Variants in COL17A1 observed in about 807,000 individuals in gnomAD.
COL17A1 encodes collagen alpha-1(XVII) chain.
In COL17A1, 181 loss-of-function variants were observed where a neutral mutation model predicts 218.4. That is an observed-to-expected ratio of 0.83 (90% CI 0.73 to 0.94). The LOEUF (loss-of-function observed/expected upper bound fraction) is 0.94. COL17A1 is among the 40% of genes least tolerant of loss of function. The pLI is 0.00. For synonymous variants in COL17A1, 721 were observed against 731.0 expected (o/e 0.99, Z 0.22); for missense variants, 1,924 against 1,945.9 (o/e 0.99, Z 0.21).
chr10:104,040,602 G>A (rs28604968), intron 39 of COL17A1, among the ~76,000 whole-genome samples, 192 bp from the exon 40 acceptor site: 2 of 142,156 alleles, frequency 1.4e-5, no homozygotes, highest in Non-Finnish European at 3.2e-5. Context: ...GGATGGATAG[G>A]TGGATGGATG....
chr10:104,084,661 T>G (rs879745482), intron 1 of COL17A1, among the ~76,000 whole-genome samples: 9 of 152,144 alleles, frequency 5.9e-5, no homozygotes, highest in Non-Finnish European at 1.2e-4. Context: ...TGTTCCTGTG[T>G]AAACTCTGAT....
In COL17A1 at chr10:104,067,202, G is replaced by A. The variant is rs805712; in HGVS notation, c.608-2606C>T. ...ATAACCCCAAAGATCGGGCCCAAAT[G>A]CAGGACCTAAGGGAACGAATAATTA... is the stretch of plus-strand genomic sequence containing the variant. On this transcript the variant is annotated intron_variant, in intron 9 of 55. Coordinates refer to ENST00000648076, the MANE Select transcript of COL17A1 (RefSeq NM_000494.4). 4.9e-3 allele frequency among the ~76,000 whole-genome samples: 752 copies of A among 152,222 alleles called. 4 individuals carry two copies. Among genetic ancestry groups the A allele is most frequent in the Non-Finnish European group, 8.7e-3 (591 of 68,010 alleles).
chr10:104,078,187 C>T (rs2086728649), intron 3 of COL17A1, among the ~76,000 whole-genome samples: 1 of 152,052 alleles, frequency 6.6e-6, no homozygotes, highest in East Asian at 1.9e-4. Context: ...ATCAGATATC[C>T]AATATTTTAG....
At position 104,045,742 on chromosome 10, in the gene COL17A1, T is replaced by C; in HGVS notation, c.2398+16A>G. On this transcript the variant is annotated intron_variant, in intron 33 of 55. Coordinates refer to ENST00000648076, the MANE Select transcript of COL17A1 (RefSeq NM_000494.4). ...GCCAGTGAAAAGAAAGAAATCTCAT[T>C]TGGAAATTCACTTACCTTTTATTCC... 4 of 1,604,684 alleles carry C rather than the reference T, an allele frequency of 2.5e-6. No individual in the cohort carries two copies. The highest frequency in any genetic ancestry group is 2.2e-5 in the South Asian group (2 of 90,900).
At position 104,070,427 on chromosome 10, in the gene COL17A1, C is replaced by G. The variant is rs17116450; in HGVS notation, c.606G>C (p.Ser202=). The G allele has an allele frequency of 2.9e-3, 4,750 of 1,613,364 alleles. 133 individuals carry two copies. The African/African-American group carries it at 0.057, about 19-fold the overall frequency. The change falls in exon 9 of 56, where the codon TCG becomes TCC. Residue 202 remains serine (S), a splice_region_variant and synonymous_variant. Transcript: ENST00000648076. The part of the protein sequence containing the change: ...ETKIVTASSQ[S]VSGTYDATIL... ...GGCAGCCTGGGCTGTCAGACTTACC[C>G]GACTGGGAGCTCGCTGTCACAATTT...
chr10:104,074,054 CA>C (rs1182868983), intron 6 of COL17A1, 129 bp downstream of exon 6: 1 of 1,425,666 alleles, frequency 7.0e-7, no homozygotes, highest in African/African-American at 1.4e-5. Context: ...AATAGGTCAG[CA>C]GGGGTCAAAC....
rs1554849247 is a variant in COL17A1, at chr10:104,055,444, T to TCACACA, written c.1688-49_1688-44dup. On this transcript the variant is annotated intron_variant, in intron 18 of 55. Coordinates refer to ENST00000648076, the MANE Select transcript of COL17A1 (RefSeq NM_000494.4). ...TCCTGAGTCAGCTTCACATCTCCTG[T>TCACACA]CACACACACACACACACACACACAC... 8,146 of 1,128,506 alleles carry TCACACA rather than the reference T, an allele frequency of 7.2e-3. 42 individuals carry two copies. The highest frequency in any genetic ancestry group is 0.034 in the African/African-American group (2,099 of 61,552). The allele number at this position is 1,128,506 out of a possible 1,614,324, so 69.9% of individuals were successfully genotyped here.
chr10:104,040,539 T>C, intron 39 of COL17A1, 129 bp from the exon 40 acceptor site: 2 of 665,564 alleles, frequency 3.0e-6, no homozygotes, highest in Non-Finnish European at 5.5e-6. Flanking sequence ...GATGGATGGA[T>C]GAATGGGTGG....
intron 37 of COL17A1, 45 bp from the exon 38 acceptor site, chr10:104,041,389 T>C (rs748902278): frequency 4.6e-5 from 74 of 1,604,014 alleles, no homozygotes; most frequent in Non-Finnish European, 5.7e-5. Context: ...CTCAGGGAGC[T>C]GATGCCACCC....
intron 47 of COL17A1, 125 bp from the exon 48 acceptor site, chr10:104,036,757 C>G: frequency 8.3e-7 from 1 of 1,204,250 alleles, no homozygotes; most frequent in Non-Finnish European, 1.2e-6. Flanking sequence ...GTTCTGGGTC[C>G]GCAGGACCAC....
chr10:104,081,270 G>A (rs1422451329), intron 1 of COL17A1, among the ~76,000 whole-genome samples: 2 of 152,138 alleles, frequency 1.3e-5, no homozygotes, highest in African/African-American at 4.8e-5. Context: ...ACTATAATCG[G>A]CTCTCATGTG....
intron 44 of COL17A1, 98 bp downstream of exon 44, chr10:104,038,973 T>G: frequency 1.4e-5 from 18 of 1,312,014 alleles, no homozygotes; most frequent in Non-Finnish European, 2.0e-5. Context: ...CAACGAATCA[T>G]GGAGAAATGA....
chr10:104,034,877 TG>T, intron 50 of COL17A1, 110 bp from the exon 51 acceptor site: 1 of 1,385,428 alleles, frequency 7.2e-7, no homozygotes, highest in Non-Finnish European at 9.9e-7. Context: ...GGGATGAGGC[TG>T]GGCCTCCCGG....
intron 13 of COL17A1, among the ~76,000 whole-genome samples, chr10:104,060,600 G>A (rs1049653354): frequency 2.0e-5 from 3 of 152,130 alleles, no homozygotes; most frequent in Admixed American, 6.5e-5. Context: ...CCCCCAGTCA[G>A]GTAAGTCCTT....
At position 104,032,447 on chromosome 10, in the gene COL17A1, A is replaced by C. The variant is rs813943; in HGVS notation, c.4439-157T>G. Among the ~76,000 whole-genome samples, 114,421 of 152,262 alleles carry C rather than the reference A, an allele frequency of 0.75. 43,052 individuals carry two copies. Among genetic ancestry groups the C allele is most frequent in the East Asian group, 0.87 (4,495 of 5,178 alleles). ...TTATTTAACTTGTTTGCCCCATTTC[A>C]ACACCAGCTTGGTTCTCCTTTTCCT... is the stretch of plus-strand genomic sequence containing the variant. On this transcript the variant is annotated intron_variant, in intron 55 of 55. Coordinates refer to ENST00000648076, the MANE Select transcript of COL17A1 (RefSeq NM_000494.4).
At chr10:104,078,286 A>G (rs542167087) in intron 3 of COL17A1, among the ~76,000 whole-genome samples, 1 of 152,260 alleles carries the variant, frequency 6.6e-6, no homozygotes, top group Admixed American at 6.5e-5. Context: ...ATGACTGCTA[A>G]TGGTCACTTC....
chr10:104,072,192 C>A, intron 7 of COL17A1, 113 bp from the exon 8 acceptor site: 1 of 1,497,490 alleles, frequency 6.7e-7, no homozygotes. Flanking sequence ...CATTTCTGAG[C>A]TCTGGAAACA....
intron 7 of COL17A1, 57 bp from the exon 8 acceptor site, chr10:104,072,136 C>A: frequency 6.2e-7 from 1 of 1,611,340 alleles, no homozygotes. Context: ...ATCACAATCC[C>A]TGACACTGAA....
At chr10:104,063,054 C>A (rs1351251317) in intron 11 of COL17A1, among the ~76,000 whole-genome samples, 1 of 152,160 alleles carries the variant, frequency 6.6e-6, no homozygotes, top group Non-Finnish European at 1.5e-5. Context: ...GGCCTCTAGT[C>A]AACTGGAGGA....
Sources: gnomAD v4.1 joint callset for allele counts (sites outside exome capture counted in the v4.1 genomes callset) on GRCh38, gnomAD v4.1.1 for gene constraint, MANE v1.5 for transcripts, NCBI Gene and HGNC (gene_info 2026-07-23, HGNC 2026-07-21) for gene names.